The following AGBL1 variants were observed in gnomAD, a reference collection of about 807,000 sequenced individuals.
AGBL1 encodes AGBL carboxypeptidase 1.
In AGBL1, 130 loss-of-function variants were observed where a neutral mutation model predicts 118.9. The ratio of observed to expected loss-of-function variants is 1.09; its 90% CI spans 0.95 to 1.26. The LOEUF is 1.26. Ranked by LOEUF, AGBL1 falls within the 50% of genes most tolerant of loss-of-function variation. The probability of loss-of-function intolerance (pLI) is 0.00; values close to 1 mark genes in which losing one functional copy is unlikely to be tolerated. For synonymous variants in AGBL1, 555 were observed against 478.9 expected (o/e 1.16, Z -2.08); for missense variants, 1,584 against 1,298.1 (o/e 1.22, Z -3.38).
intron 21 of AGBL1, among the ~76,000 whole-genome samples, chr15:86,673,294 G>A (rs1483290399): frequency 6.6e-6 from 1 of 152,034 alleles, no homozygotes; most frequent in Non-Finnish European, 1.5e-5. Context: ...TTTTACAGAT[G>A]AGAAAATCAA....
intron 21 of AGBL1, among the ~76,000 whole-genome samples, chr15:86,581,534 T>C (rs1192643276): frequency 6.6e-6 from 1 of 152,208 alleles, no homozygotes; most frequent in Admixed American, 6.5e-5. Flanking sequence ...GACTTCCAAA[T>C]TGGATCATCA....
At chr15:86,261,398 C>T (rs1428564071) in intron 9 of AGBL1, among the ~76,000 whole-genome samples, 2 of 152,166 alleles carry the variant, frequency 1.3e-5, no homozygotes, top group African/African-American at 4.8e-5. Flanking sequence ...GGTGTGTATA[C>T]TGTACCTGAA....
intron 21 of AGBL1, among the ~76,000 whole-genome samples, chr15:86,634,949 A>T (rs530384117): frequency 2.6e-5 from 4 of 152,238 alleles, no homozygotes; most frequent in East Asian, 1.9e-4. Context: ...AAGAGATGGC[A>T]TGTTTCATTT....
intron 21 of AGBL1, among the ~76,000 whole-genome samples, chr15:86,602,864 T>A (rs2084517456): frequency 6.6e-6 from 1 of 152,158 alleles, no homozygotes; most frequent in African/African-American, 2.4e-5. Context: ...AAAGCCTTCC[T>A]TCTAAGTGGA....
chr15:86,449,746 G>T (rs2082169871), intron 18 of AGBL1, among the ~76,000 whole-genome samples: 1 of 152,168 alleles, frequency 6.6e-6, no homozygotes, highest in South Asian at 2.1e-4. Flanking sequence ...TCCAGCTAAG[G>T]CAGCCTCCTG....
chr15:86,458,378 A>T (rs1250782692), intron 18 of AGBL1, among the ~76,000 whole-genome samples: 2 of 152,220 alleles, frequency 1.3e-5, no homozygotes, highest in Admixed American at 6.5e-5. Context: ...CCAAGAATTA[A>T]GCTATCCATT....
chr15:86,317,886 A>G (rs74027505), intron 17 of AGBL1, among the ~76,000 whole-genome samples: 1,832 of 152,340 alleles, frequency 0.012, 46 homozygotes, highest in African/African-American at 0.043. Context: ...ACTATAGAAT[A>G]TAAGTTTCAT....
At position 86,616,293 on chromosome 15, in the gene AGBL1, C is replaced by T. The variant is rs371618728; in HGVS notation, c.2995-57980C>T. ...CAGAGGTAGCAATGAGCCGAGATAG[C>T]ACCACTGCACTCCAGCCTGGGTGAC... On this transcript the variant is annotated intron_variant, in intron 21 of 22. Coordinates refer to ENST00000614907, the MANE Select transcript of AGBL1 (RefSeq NM_001386094.1). Among the ~76,000 whole-genome samples, 17 of 149,922 alleles carry T rather than the reference C, an allele frequency of 1.1e-4. No individual in the cohort carries two copies. In the South Asian group the frequency reaches 2.1e-3, roughly 18 times the overall value.
chr15:86,856,983 T>C (rs1424661783), intron 22 of AGBL1, among the ~76,000 whole-genome samples: 1 of 152,186 alleles, frequency 6.6e-6, no homozygotes, highest in Non-Finnish European at 1.5e-5. Context: ...TACCTGGTCT[T>C]CTTCCAGTGG....
At chr15:86,959,876 T>C (rs191618222) in intron 23 of AGBL1, among the ~76,000 whole-genome samples, 103 of 152,230 alleles carry the variant, frequency 6.8e-4, no homozygotes, top group African/African-American at 2.4e-3. Context: ...AAGTGGATCA[T>C]TGATTGGATG....
intron 16 of AGBL1, among the ~76,000 whole-genome samples, chr15:86,291,033 T>C (rs1030890909): frequency 8.5e-5 from 13 of 152,224 alleles, no homozygotes; most frequent in African/African-American, 2.9e-4. Flanking sequence ...TCATTTTTTA[T>C]GGCTGCATAG....
intron 22 of AGBL1, among the ~76,000 whole-genome samples, chr15:86,888,641 G>A (rs896875586): frequency 1.3e-5 from 2 of 152,034 alleles, no homozygotes; most frequent in Non-Finnish European, 2.9e-5. Context: ...GATCTCATTG[G>A]GGATATACAT....
intron 6 of AGBL1, among the ~76,000 whole-genome samples, chr15:86,232,473 C>G (rs1259908933): frequency 6.6e-6 from 1 of 152,152 alleles, no homozygotes; most frequent in East Asian, 1.9e-4. Context: ...CTGTGCTTCC[C>G]AGCGTTAGCA....
intron 17 of AGBL1, among the ~76,000 whole-genome samples, chr15:86,330,931 A>T (rs11857864): frequency 0.036 from 5,498 of 152,260 alleles, 330 homozygotes; most frequent in African/African-American, 0.13. Context: ...AAAAGAATTT[A>T]AAAAAATGAG....
intron 22 of AGBL1, among the ~76,000 whole-genome samples, chr15:86,741,981 T>G (rs1182608176): frequency 6.6e-6 from 1 of 151,988 alleles, no homozygotes; most frequent in Admixed American, 6.6e-5. Context: ...ACTGGAGTTT[T>G]TTTTTTTTTT....
intron 21 of AGBL1, among the ~76,000 whole-genome samples, chr15:86,561,737 C>T (rs1454347542): frequency 3.3e-5 from 5 of 152,150 alleles, no homozygotes; most frequent in African/African-American, 1.2e-4. Context: ...CTATAAGTTA[C>T]CTTGGGCAAT....
intron 18 of AGBL1, among the ~76,000 whole-genome samples, chr15:86,499,674 A>G (rs1339275970): frequency 6.6e-6 from 1 of 151,898 alleles, no homozygotes; most frequent in Non-Finnish European, 1.5e-5. Flanking sequence ...GTCCCATAGA[A>G]TGAGGTTTTA....
At chr15:86,717,345 G>T (rs188243102) in intron 22 of AGBL1, among the ~76,000 whole-genome samples, 1 of 152,072 alleles carries the variant, frequency 6.6e-6, no homozygotes, top group Non-Finnish European at 1.5e-5. Context: ...GGAACATGAC[G>T]ATCTCTTCTA....
chr15:86,733,995 C>T (rs1200435370), intron 22 of AGBL1, among the ~76,000 whole-genome samples: 1 of 152,094 alleles, frequency 6.6e-6, no homozygotes, highest in African/African-American at 2.4e-5. Flanking sequence ...TCCAGTGACC[C>T]CTTATACAGG....
Sources: allele counts gnomAD v4.1 joint callset (sites outside exome capture counted in the v4.1 genomes callset), GRCh38; gene constraint gnomAD v4.1.1; transcripts MANE v1.5; gene names NCBI Gene and HGNC (gene_info 2026-07-23, HGNC 2026-07-21).